CEP128: variants seen among roughly 807,000 people sequenced by gnomAD.
CEP128 encodes centrosomal protein 128, also known as centrosomal protein 128kDa.
In CEP128, 132 loss-of-function variants were observed where a neutral mutation model predicts 156.7. That is an observed-to-expected ratio of 0.84 (90% CI 0.73 to 0.97). CEP128 has a LOEUF of 0.97. Ranked by LOEUF, CEP128 falls within the 50% of genes least tolerant of loss-of-function variation. The pLI, the probability that CEP128 is intolerant of heterozygous loss-of-function variation, is 0.00. For missense variants in CEP128, 1,252 were observed against 1,281.9 expected (o/e 0.98, Z 0.36); for synonymous variants, 469 against 448.9 (o/e 1.04, Z -0.57).
chr14:80,848,203 T>C (rs1474003236), intron 9 of CEP128, among the ~76,000 whole-genome samples: 8 of 152,122 alleles, frequency 5.3e-5, no homozygotes, highest in Admixed American at 2.6e-4. Context: ...TGAAGTAGAG[T>C]TCTGAACATG....
chr14:80,756,760 G>T (rs903419238), intron 18 of CEP128, 132 bp downstream of exon 18: 5 of 641,890 alleles, frequency 7.8e-6, no homozygotes, highest in South Asian at 3.8e-5. Context: ...GGACTGCAGT[G>T]ATATCTTCCC....
At chr14:80,714,492 C>T (rs1897531120) in intron 19 of CEP128, among the ~76,000 whole-genome samples, 1 of 152,128 alleles carries the variant, frequency 6.6e-6, no homozygotes, top group Non-Finnish European at 1.5e-5. Flanking sequence ...CACATGAGTG[C>T]ATGTATGTGT....
At chr14:80,828,769 C>T (rs1373741316) in intron 13 of CEP128, among the ~76,000 whole-genome samples, 3 of 152,154 alleles carry the variant, frequency 2.0e-5, no homozygotes, top group Admixed American at 6.5e-5. Context: ...AAAAGAAACA[C>T]ATTAATGATT....
intron 2 of CEP128, among the ~76,000 whole-genome samples, chr14:80,930,257 A>G (rs1395768963): frequency 1.3e-5 from 2 of 152,200 alleles, no homozygotes; most frequent in Non-Finnish European, 2.9e-5. Flanking sequence ...TCAAAACCCT[A>G]TCAGTGAGTG....
At chr14:80,741,867 A>C (rs1047398388) in intron 19 of CEP128, among the ~76,000 whole-genome samples, 3 of 152,154 alleles carry the variant, frequency 2.0e-5, no homozygotes, top group African/African-American at 7.2e-5. Flanking sequence ...ATAAAAAAAA[A>C]AAAGTTTAAA....
rs117938963 is a variant in CEP128 at position 80,677,134 on chromosome 14, G to C, written c.2806+65941C>G. Among the ~76,000 whole-genome samples, 163 of 152,278 alleles carry C rather than the reference G, an allele frequency of 1.1e-3. 1 individual carries two copies. The East Asian group carries it at 0.025, about 23-fold the overall frequency. ...TTCAATATTTCTTCAAACTTGGAGT[G>C]TATGTGTAAGGAGGGGAGTACATGC... On this transcript the variant is annotated intron_variant, in intron 19 of 24. Transcript: ENST00000555265.
At chr14:80,497,890 C>T (rs1359024041) in intron 24 of CEP128, among the ~76,000 whole-genome samples, 1 of 152,356 alleles carries the variant, frequency 6.6e-6, no homozygotes, top group South Asian at 2.1e-4. Flanking sequence ...CACACACTTG[C>T]ACACTCGCAA....
At chr14:80,517,895 G>A (rs555193879) in intron 23 of CEP128, among the ~76,000 whole-genome samples, 2 of 152,166 alleles carry the variant, frequency 1.3e-5, no homozygotes, top group South Asian at 2.1e-4. Flanking sequence ...GAGTGGCAAT[G>A]GGCGCCTCGC....
chr14:80,781,225 AGGTGGGGG>A (rs1901089291), intron 15 of CEP128, among the ~76,000 whole-genome samples: 3 of 152,298 alleles, frequency 2.0e-5, no homozygotes, highest in South Asian at 4.1e-4. Flanking sequence ...TGGGAGGCCA[AGGTGGGGG>A]GGATCATGAG....
chr14:80,619,823 G>A (rs555047519), intron 19 of CEP128, among the ~76,000 whole-genome samples: 112 of 152,186 alleles, frequency 7.4e-4, no homozygotes, highest in African/African-American at 2.5e-3. Flanking sequence ...GTGAGGCATA[G>A]GTGGAGAAAA....
chr14:80,901,704 C>A (rs1161102753), intron 6 of CEP128, among the ~76,000 whole-genome samples: 2 of 152,204 alleles, frequency 1.3e-5, no homozygotes, highest in East Asian at 1.9e-4. Flanking sequence ...ACCTTCCCCA[C>A]ATGGCTATCT....
chr14:80,929,965 T>G (rs189247474), intron 2 of CEP128, among the ~76,000 whole-genome samples: 144 of 152,346 alleles, frequency 9.5e-4, no homozygotes, highest in Non-Finnish European at 1.7e-3. Flanking sequence ...AAGTTTCATC[T>G]GTATTTACAG....
intron 9 of CEP128, among the ~76,000 whole-genome samples, chr14:80,857,328 TATG>T (rs1887237749): frequency 6.6e-6 from 1 of 151,820 alleles, no homozygotes; most frequent in African/African-American, 2.4e-5. Context: ...TAACCAAAGT[TATG>T]ATACTATCAA....
At chr14:80,875,412 C>A (rs2556603) in intron 8 of CEP128, among the ~76,000 whole-genome samples, 74,922 of 152,016 alleles carry the variant, frequency 0.49, 18,977 homozygotes, top group African/African-American at 0.57. Context: ...ATAAAATACG[C>A]TTTCTGTCAT....
intron 19 of CEP128, among the ~76,000 whole-genome samples, chr14:80,677,297 G>A (rs565614522): frequency 1.3e-5 from 2 of 152,082 alleles, no homozygotes; most frequent in African/African-American, 4.8e-5. Flanking sequence ...ACCTGAGGTC[G>A]TTAGGAGTTC....
Position 80,688,158 on chromosome 14 carries a change from C to T in CEP128, c.2806+54917G>A, listed in dbSNP as rs546407099. Among the ~76,000 whole-genome samples the T allele has an allele frequency of 2.6e-3, 403 of 152,140 alleles. 2 individuals carry two copies. The highest frequency in any genetic ancestry group is 9.2e-3 in the African/African-American group (381 of 41,524). On this transcript the variant is annotated intron_variant, in intron 19 of 24. Coordinates refer to ENST00000555265, the MANE Select transcript of CEP128 (RefSeq NM_152446.5). ...CAATATCTATCCTCTACCAAACTGC[C>T]TGAGTCTCTAAACTCTATGTAGGAT...
chr14:80,855,771 A>G (rs1887121219), intron 9 of CEP128, among the ~76,000 whole-genome samples: 1 of 152,166 alleles, frequency 6.6e-6, no homozygotes, highest in Non-Finnish European at 1.5e-5. Flanking sequence ...AGGTTAGAAT[A>G]TTTGCCTGAC....
chr14:80,737,177 G>A lies in CEP128; in HGVS notation c.2806+5898C>T, dbSNP rs535438036. ...TCCCAGCACTTTGGGAGGCCGAGGCGGGTGGATCACAAGGTCAGGCATTCA... is the reference window on the plus strand; with the variant it reads ...TCCCAGCACTTTGGGAGGCCGAGGCAGGTGGATCACAAGGTCAGGCATTCA... On this transcript the variant is annotated intron_variant, in intron 19 of 24. Transcript: ENST00000555265. Among the ~76,000 whole-genome samples, 95 of 152,160 alleles carry A rather than the reference G, an allele frequency of 6.2e-4. 1 individual carries two copies. The South Asian group carries it at 0.01, about 17-fold the overall frequency.
intron 19 of CEP128, among the ~76,000 whole-genome samples, chr14:80,663,144 C>T (rs1443771779): frequency 6.6e-6 from 1 of 152,148 alleles, no homozygotes; most frequent in Non-Finnish European, 1.5e-5. Flanking sequence ...AGGCCCCGGG[C>T]TGAGAGAGCA....
Sources: gnomAD v4.1 joint callset for allele counts (sites outside exome capture counted in the v4.1 genomes callset) on GRCh38, gnomAD v4.1.1 for gene constraint, MANE v1.5 for transcripts, NCBI Gene and HGNC (gene_info 2026-07-23, HGNC 2026-07-21) for gene names.